GRIN2A: variants seen among roughly 807,000 people sequenced by gnomAD.
GRIN2A encodes glutamate receptor ionotropic, NMDA 2A.
Under a neutral mutation model 113.4 loss-of-function variants are expected in GRIN2A, and 22 were observed. The ratio of observed to expected loss-of-function variants is 0.19; its 90% CI spans 0.14 to 0.28. GRIN2A has a LOEUF of 0.28. GRIN2A is among the 10% of genes least tolerant of loss of function. GRIN2A has a pLI of 1.00. For synonymous variants in GRIN2A, 827 were observed against 738.4 expected (o/e 1.12, Z -1.94); for missense variants, 1,502 against 1,887.0 (o/e 0.80, Z 3.78).
At chr16:9,770,116 TC>T (rs1901170066) in intron 11 of GRIN2A, among the ~76,000 whole-genome samples, 1 of 152,190 alleles carries the variant, frequency 6.6e-6, no homozygotes, top group East Asian at 1.9e-4. Flanking sequence ...AGGAGAAAAT[TC>T]TCTGATCTAT....
chr16:9,766,860 C>T (rs1166172793), intron 12 of GRIN2A, among the ~76,000 whole-genome samples: 2 of 152,184 alleles, frequency 1.3e-5, no homozygotes, highest in East Asian at 3.8e-4. Flanking sequence ...CAAGGGACTC[C>T]ACCAACAATG....
At chr16:10,136,162 T>C (rs555372551) in intron 2 of GRIN2A, among the ~76,000 whole-genome samples, 2 of 152,142 alleles carry the variant, frequency 1.3e-5, no homozygotes, top group Non-Finnish European at 2.9e-5. Flanking sequence ...GTTCTGAAGG[T>C]TTCCTATTGA....
chr16:10,112,140 G>A, intron 2 of GRIN2A: 1 of 594,022 alleles, frequency 1.7e-6, no homozygotes, highest in South Asian at 1.7e-5. Context: ...CACCCATGAG[G>A]ATGACAAATA....
At chr16:9,773,711 T>A (rs981140595) in intron 11 of GRIN2A, among the ~76,000 whole-genome samples, 3 of 152,196 alleles carry the variant, frequency 2.0e-5, no homozygotes, top group Non-Finnish European at 2.9e-5. Context: ...TTTGCAGAAC[T>A]TCTTTGCGCC....
At chr16:9,981,109 G>A (rs1255543619) in intron 2 of GRIN2A, among the ~76,000 whole-genome samples, 1 of 151,750 alleles carries the variant, frequency 6.6e-6, no homozygotes, top group Non-Finnish European at 1.5e-5. Context: ...GCAGGCCTGG[G>A]CTAAAGGTGC....
rs576045636 is a variant in GRIN2A at position 10,124,361 on chromosome 16, CT to C, written c.414+55636del. 2.0e-5 allele frequency among the ~76,000 whole-genome samples: 3 copies of C among 152,264 alleles called. No homozygotes were observed. In the South Asian group the frequency reaches 6.2e-4, roughly 32 times the overall value. On this transcript the variant is annotated intron_variant, in intron 2 of 12. Transcript: ENST00000330684. ...GGATCATGTATGCAAAGTGCCTGCC[CT>C]GTATGCAGTAGATGCTCAATAACTG...
At chr16:10,039,089 C>T (rs554993230) in intron 2 of GRIN2A, among the ~76,000 whole-genome samples, 21 of 152,218 alleles carry the variant, frequency 1.4e-4, no homozygotes, top group Middle Eastern at 3.4e-3. Flanking sequence ...GCCCCTGACG[C>T]TAGCACAGTG....
intron 2 of GRIN2A, among the ~76,000 whole-genome samples, chr16:10,127,873 G>C (rs1350738319): frequency 6.7e-6 from 1 of 148,768 alleles, no homozygotes; most frequent in African/African-American, 2.5e-5. Context: ...TAAGCCCTGG[G>C]AATGTCATGC....
chr16:9,991,230 G>A (rs999846940), intron 2 of GRIN2A, among the ~76,000 whole-genome samples: 39 of 152,124 alleles, frequency 2.6e-4, no homozygotes, highest in African/African-American at 8.9e-4. Flanking sequence ...TTAATATCAG[G>A]TAGTATTATT....
chr16:9,778,959 T>C (rs1901777623), intron 11 of GRIN2A, among the ~76,000 whole-genome samples: 1 of 152,198 alleles, frequency 6.6e-6, no homozygotes, highest in African/African-American at 2.4e-5. Flanking sequence ...CAAAGATTTA[T>C]TACTTACACA....
chr16:10,121,483 C>CG (rs992473605), intron 2 of GRIN2A: 1 of 151,658 alleles, frequency 6.6e-6, no homozygotes, highest in African/African-American at 2.4e-5. Flanking sequence ...AGGCAGAGCC[C>CG]CGGGAGCCCA....
chr16:10,058,936 G>C (rs1444927889), intron 2 of GRIN2A, among the ~76,000 whole-genome samples: 2 of 152,214 alleles, frequency 1.3e-5, no homozygotes, highest in African/African-American at 4.8e-5. Flanking sequence ...AATAGATTGT[G>C]AAAAAGAATC....
At chr16:9,986,049 T>C (rs1202691735) in intron 2 of GRIN2A, among the ~76,000 whole-genome samples, 1 of 152,174 alleles carries the variant, frequency 6.6e-6, no homozygotes, top group Non-Finnish European at 1.5e-5. Context: ...AGGTACAATA[T>C]GATGTTTTTA....
intron 2 of GRIN2A, among the ~76,000 whole-genome samples, chr16:10,036,448 TC>T (rs1350128250): frequency 0.016 from 1,043 of 64,420 alleles, 17 homozygotes; most frequent in African/African-American, 0.073. Flanking sequence ...TTTTTTTTTT[TC>T]TTTTTTTTTT....
intron 11 of GRIN2A, among the ~76,000 whole-genome samples, chr16:9,782,401 A>G (rs1457662900): frequency 1.3e-5 from 2 of 152,172 alleles, no homozygotes; most frequent in African/African-American, 4.8e-5. Context: ...CCTCAAACCA[A>G]TCCTCCACAA....
chr16:10,066,523 C>A (rs2047652092), intron 2 of GRIN2A, among the ~76,000 whole-genome samples: 1 of 152,186 alleles, frequency 6.6e-6, no homozygotes, highest in East Asian at 1.9e-4. Context: ...AGGGACAAAA[C>A]TATGGGCTAT....
At position 10,087,065 on chromosome 16, in the gene GRIN2A, A is replaced by G. The variant is rs533545745; in HGVS notation, c.414+92933T>C. On this transcript the variant is annotated intron_variant, in intron 2 of 12. Coordinates refer to ENST00000330684, the MANE Select transcript of GRIN2A (RefSeq NM_001134407.3). ...GCTCCTGCTATAACAATGGAAGTCG[A>G]TGAATGCAGTGGCTAAAGCTGTAGG... Among the ~76,000 whole-genome samples the G allele has an allele frequency of 1.2e-4, 19 of 152,344 alleles. No individual in the cohort carries two copies. In the South Asian group the frequency reaches 3.7e-3, roughly 30 times the overall value.
At position 9,931,394 on chromosome 16, in the gene GRIN2A, G is replaced by C. The variant is rs2044591614; in HGVS notation, c.1007+6565C>G. 2.6e-5 allele frequency among the ~76,000 whole-genome samples: 4 copies of C among 152,064 alleles called. No individual in the cohort carries two copies. The South Asian group carries it at 6.2e-4, about 24-fold the overall frequency. The stretch of plus-strand genomic sequence containing the variant: ...TTTGTAAAATGCCTTCTCCATGCCT[G>C]GCACCATGCTAAATGTATATACTTT... On this transcript the variant is annotated intron_variant, in intron 3 of 12. Transcript: ENST00000330684.
chr16:9,768,050 A>AT (rs1384462105), intron 12 of GRIN2A, among the ~76,000 whole-genome samples: 1 of 151,798 alleles, frequency 6.6e-6, no homozygotes, highest in East Asian at 1.9e-4. Context: ...ATTTTTTTTT[A>AT]TTTTTTGTTT....
Sources: allele counts gnomAD v4.1 joint callset (sites outside exome capture counted in the v4.1 genomes callset), GRCh38; gene constraint gnomAD v4.1.1; transcripts MANE v1.5; gene names NCBI Gene and HGNC (gene_info 2026-07-23, HGNC 2026-07-21).